Variants in MX1 observed in about 807,000 individuals in gnomAD.
The protein encoded by MX1 is MX dynamin like GTPase 1, also known as interferon-induced GTP-binding protein Mx1.
Under a neutral mutation model 66.4 loss-of-function variants are expected in MX1, and 66 were observed. The observed-to-expected ratio is 0.99, with a 90% CI of 0.82 to 1.22. The LOEUF (loss-of-function observed/expected upper bound fraction) is 1.22. MX1 is among the 50% of genes most tolerant of loss of function. MX1 has a pLI of 0.00. For synonymous variants in MX1, 311 were observed against 318.1 expected, an observed-to-expected ratio of 0.98 and a Z score of 0.24; for missense variants, 787 against 834.3, an observed-to-expected ratio of 0.94 and a Z score of 0.70.
upstream of MX1, among the ~76,000 whole-genome samples, chr21:41,425,704 G>A (rs571573423): frequency 6.6e-6 from 1 of 152,288 alleles, no homozygotes; most frequent in African/African-American, 2.4e-5. Context: ...CTCCAGGGAG[G>A]CCTAGAAGTG....
chr21:41,443,627 C>G, intron 10 of MX1, 161 bp from the exon 11 acceptor site: 1 of 678,324 alleles, frequency 1.5e-6, no homozygotes, highest in East Asian at 2.5e-5. Context: ...AGTCATAATC[C>G]TATTCAATCC....
upstream of MX1, among the ~76,000 whole-genome samples, chr21:41,425,305 G>A (rs377261818): frequency 5.3e-5 from 8 of 152,208 alleles, no homozygotes; most frequent in Non-Finnish European, 1.0e-4. Flanking sequence ...CAGTCAAAGG[G>A]GGTTGTTCTC....
chr21:41,436,140 G>T (rs369886435), intron 6 of MX1, 111 bp downstream of exon 6: 44 of 1,318,032 alleles, frequency 3.3e-5, no homozygotes, highest in Non-Finnish European at 4.4e-5. Flanking sequence ...GAGACTGGAA[G>T]TCCAAAATCA....
chr21:41,444,983 G>A (rs553475823), intron 11 of MX1, among the ~76,000 whole-genome samples: 1 of 152,156 alleles, frequency 6.6e-6, no homozygotes, highest in Non-Finnish European at 1.5e-5. Flanking sequence ...CCAGCATATG[G>A]CGTCAACCGT....
chr21:41,427,857 C>T lies in MX1; in HGVS notation c.-107C>T, dbSNP rs1179475123. 6.6e-6 allele frequency: 1 copy of T among 152,284 alleles called. No individual in the cohort carries two copies. Among genetic ancestry groups the T allele is most frequent in the Admixed American group, 6.5e-5 (1 of 15,282 alleles). 9.4% of individuals were successfully genotyped at this position (152,284 alleles called of 1,614,324 possible). The stretch of plus-strand genomic sequence containing the variant: ...AGTGAAGAACGCCGCCATCCAGCCA[C>T]CATTCCAAGGTAAGGCAGAAATGAA... On this transcript the variant is annotated 5_prime_UTR_variant, in exon 3 of 17. Transcript: ENST00000398598.
At chr21:41,445,406 C>A (rs765416335) in intron 11 of MX1, 42 bp from the exon 12 acceptor site, 21 of 1,610,546 alleles carry the variant, frequency 1.3e-5, no homozygotes, top group Non-Finnish European at 1.8e-5. Flanking sequence ...ATTCTCTGTT[C>A]ATCTTTACAC....
At chr21:41,450,600 T>G (rs975882017) in intron 14 of MX1, among the ~76,000 whole-genome samples, 2 of 152,228 alleles carry the variant, frequency 1.3e-5, no homozygotes, top group Non-Finnish European at 2.9e-5. Context: ...TAGAGCCTTA[T>G]AGTCATAAAA....
At chr21:41,422,693 C>T (rs1388048945), upstream of MX1, 1 of 152,146 alleles carries the variant, frequency 6.6e-6, no homozygotes, top group Non-Finnish European at 1.5e-5. Flanking sequence ...GAGCACACAT[C>T]CTCTGCAATT....
At chr21:41,444,878 T>C (rs2090617949) in intron 11 of MX1, among the ~76,000 whole-genome samples, 1 of 152,152 alleles carries the variant, frequency 6.6e-6, no homozygotes, top group African/African-American at 2.4e-5. Context: ...GGCCTCTGAC[T>C]ACCCCTCACT....
Position 41,449,134 on chromosome 21 carries a change from T to C in MX1, c.1274-3T>C. The C allele has an allele frequency of 6.2e-7, 1 of 1,608,370 alleles. No homozygotes were observed. Among genetic ancestry groups the C allele is most frequent in the East Asian group, 2.2e-5 (1 of 44,648 alleles). On this transcript the variant is annotated splice_polypyrimidine_tract_variant and splice_region_variant and intron_variant, in intron 13 of 16. Transcript: ENST00000398598. Reference sequence around the variant, plus strand: ...ATTTAGAGGGTTTTTTTTCCTGCTATAGGCCATAAAATTTTGAGTAGAAAA... The same window carrying C: ...ATTTAGAGGGTTTTTTTTCCTGCTACAGGCCATAAAATTTTGAGTAGAAAA...
chr21:41,434,347 T>C (rs968621306), intron 5 of MX1, among the ~76,000 whole-genome samples: 1 of 152,232 alleles, frequency 6.6e-6, no homozygotes, highest in Non-Finnish European at 1.5e-5. Flanking sequence ...TTTAGTTTTA[T>C]AGTAATTATG....
At chr21:41,458,447 C>T (rs1213314869) in intron 16 of MX1, 81 bp from the exon 17 acceptor site, 11 of 1,168,056 alleles carry the variant, frequency 9.4e-6, no homozygotes, top group African/African-American at 1.7e-5. Flanking sequence ...ATCTGGATCC[C>T]CTCATGTGCA....
chr21:41,458,686 G>A lies in MX1; in HGVS notation c.1917G>A (p.Lys639=), dbSNP rs751915223. 6 of 1,614,090 alleles carry A rather than the reference G, an allele frequency of 3.7e-6. No individual in the cohort carries two copies. In the East Asian group the frequency reaches 1.1e-4, roughly 30 times the overall value. ...LLKERSDTSD[K]RKFLKERLAR... is the part of the protein sequence containing the mutation. Reference sequence around the variant, plus strand: ...AGGAGCGGAGCGACACCAGCGACAAGCGGAAGTTCCTGAAGGAGCGGCTTG... The same window carrying A: ...AGGAGCGGAGCGACACCAGCGACAAACGGAAGTTCCTGAAGGAGCGGCTTG... Residue 639 remains lysine, a synonymous_variant, in exon 17 of 17, where the codon AAG becomes AAA. Transcript: ENST00000398598.
chr21:41,436,696 A>T (rs1234509641), intron 6 of MX1, among the ~76,000 whole-genome samples: 1 of 152,116 alleles, frequency 6.6e-6, no homozygotes, highest in Non-Finnish European at 1.5e-5. Flanking sequence ...AGATGTTCGG[A>T]TGAGTTTCGG....
chr21:41,434,221 A>G (rs770530349), intron 5 of MX1, among the ~76,000 whole-genome samples: 10 of 152,238 alleles, frequency 6.6e-5, no homozygotes, highest in Non-Finnish European at 1.2e-4. Flanking sequence ...TTCTTCCTGA[A>G]CCTCAATCAG....
At chr21:41,439,567 A>G in intron 7 of MX1, 127 bp from the exon 8 acceptor site, 1 of 914,716 alleles carries the variant, frequency 1.1e-6, no homozygotes, top group South Asian at 1.6e-5. Flanking sequence ...AGAAAATTGA[A>G]TCTGCTCCAA....
intron 13 of MX1, among the ~76,000 whole-genome samples, chr21:41,448,698 T>C (rs1246746753): frequency 2.6e-5 from 4 of 151,984 alleles, no homozygotes; most frequent in Admixed American, 6.6e-5. Context: ...CCCAGCTACT[T>C]GGGAGGCTGA....
chr21:41,458,511 C>T lies in MX1; in HGVS notation c.1759-17C>T. On this transcript the variant is annotated splice_polypyrimidine_tract_variant and intron_variant, in intron 16 of 16. Coordinates refer to ENST00000398598, the MANE Select transcript of MX1 (RefSeq NM_002462.5). ...AGTGTCCCCTCCACCCTCCCGTGAA[C>T]TGTTCTTTCCTTCCAGGAGGCCAGC... 7.1e-7 allele frequency: 1 copy of T among 1,401,738 alleles called. No homozygotes were observed. The highest frequency in any genetic ancestry group is 9.6e-7 in the Non-Finnish European group (1 of 1,044,918). 86.8% of individuals were successfully genotyped at this position (1,401,738 alleles called of 1,614,324 possible).
chr21:41,446,419 C>T (rs2090666673), intron 13 of MX1, among the ~76,000 whole-genome samples: 1 of 152,094 alleles, frequency 6.6e-6, no homozygotes, highest in African/African-American at 2.4e-5. Context: ...GGGTTCAGTT[C>T]CAGACAAAAA....
Sources: gnomAD v4.1 joint callset for allele counts (sites outside exome capture counted in the v4.1 genomes callset) on GRCh38, gnomAD v4.1.1 for gene constraint, MANE v1.5 for transcripts, NCBI Gene and HGNC (gene_info 2026-07-23, HGNC 2026-07-21) for gene names.